Variants in SLC9A9 observed in about 807,000 individuals in gnomAD.
The protein encoded by SLC9A9 is sodium/hydrogen exchanger 9.
Under a neutral mutation model 77.8 loss-of-function variants are expected in SLC9A9, and 62 were observed. The observed-to-expected ratio is 0.80, with a 90% CI of 0.65 to 0.98. The LOEUF (loss-of-function observed/expected upper bound fraction) is 0.98, where lower values mean the gene tolerates loss of function less well. Ranked by LOEUF, SLC9A9 falls within the 50% of genes least tolerant of loss-of-function variation. The probability of loss-of-function intolerance (pLI) is 0.00; values close to 1 mark genes in which losing one functional copy is unlikely to be tolerated. For synonymous variants in SLC9A9, 320 were observed against 283.5 expected, an observed-to-expected ratio of 1.13 and a Z score of -1.29; for missense variants, 775 against 774.9, an observed-to-expected ratio of 1.00 and a Z score of 0.00.
intron 5 of SLC9A9, among the ~76,000 whole-genome samples, chr3:143,659,041 T>C (rs947799136): frequency 1.3e-5 from 2 of 152,226 alleles, no homozygotes; most frequent in South Asian, 2.1e-4. Flanking sequence ...TAATGAGCCA[T>C]GGTGCCGTTT....
At chr3:143,739,273 T>C (rs1935023421) in intron 4 of SLC9A9, among the ~76,000 whole-genome samples, 1 of 152,124 alleles carries the variant, frequency 6.6e-6, no homozygotes, top group Non-Finnish European at 1.5e-5. Flanking sequence ...TCAGAAATGA[T>C]TTTGTCATCA....
chr3:143,730,608 A>G lies in SLC9A9; in HGVS notation c.534-37301T>C, dbSNP rs114836300. Among the ~76,000 whole-genome samples, 900 of 152,336 alleles carry G rather than the reference A, an allele frequency of 5.9e-3. 8 individuals carry two copies. The highest frequency in any genetic ancestry group is 0.02 in the African/African-American group (843 of 41,572). On this transcript the variant is annotated intron_variant, in intron 4 of 15. Coordinates refer to ENST00000316549, the MANE Select transcript of SLC9A9 (RefSeq NM_173653.4). The stretch of plus-strand genomic sequence containing the variant: ...TCTTTGTTGCCAAGATATCTTACAT[A>G]TTCCTGTGTTAAATGACTTTTCATA...
In SLC9A9 at chr3:143,528,436, A is replaced by T. The variant is rs112071881; in HGVS notation, c.1089+23926T>A. 5.8e-3 allele frequency among the ~76,000 whole-genome samples: 884 copies of T among 152,342 alleles called. 4 individuals carry two copies. Among genetic ancestry groups the T allele is most frequent in the African/African-American group, 0.02 (819 of 41,566 alleles). On this transcript the variant is annotated intron_variant, in intron 9 of 15. Coordinates refer to ENST00000316549, the MANE Select transcript of SLC9A9 (RefSeq NM_173653.4). ...TTCCTTTACACATTTAGGAAATAAG[A>T]AAGTACAGAAAGCAGAATTTGACTG...
chr3:143,505,048 T>C lies in SLC9A9; in HGVS notation c.1090-9600A>G, dbSNP rs1234322298. ...AAGTCAGGGGTTGGCAGGGAAGATA[T>C]CAGTGACTCTGACCATATTTTTCCC... On this transcript the variant is annotated intron_variant, in intron 9 of 15. Coordinates refer to ENST00000316549, the MANE Select transcript of SLC9A9 (RefSeq NM_173653.4). Among the ~76,000 whole-genome samples the C allele has an allele frequency of 5.9e-5, 9 of 152,078 alleles. No homozygotes were observed. The South Asian group carries it at 1.9e-3, about 32-fold the overall frequency.
chr3:143,404,178 C>CTT lies in SLC9A9; in HGVS notation c.1470-22066_1470-22065dup, dbSNP rs57688016. 4.2e-3 allele frequency among the ~76,000 whole-genome samples: 605 copies of CTT among 142,628 alleles called. 6 individuals are homozygous for CTT. Among genetic ancestry groups the CTT allele is most frequent in the Middle Eastern group, 0.014 (4 of 286 alleles). The allele number at this position is 142,628 out of a possible 152,430, so 93.6% of individuals were successfully genotyped here. A position where few individuals can be genotyped will look rare whatever the true frequency, so the allele number is the denominator to read the frequency against. ...ATTTTTTGTATAATTTTTCTTTTTT[C>CTT]TTTTTTTTTTTTGGAGACAGAGTCT... is the stretch of plus-strand genomic sequence containing the variant. On this transcript the variant is annotated intron_variant, in intron 12 of 15. Transcript: ENST00000316549.
intron 2 of SLC9A9, among the ~76,000 whole-genome samples, chr3:143,830,421 C>T (rs143630328): frequency 6.6e-6 from 1 of 152,308 alleles, no homozygotes; most frequent in African/African-American, 2.4e-5. Context: ...ACGTTTTCTC[C>T]ATCTCTTGCC....
intron 4 of SLC9A9, among the ~76,000 whole-genome samples, chr3:143,773,337 T>C (rs1279576992): frequency 6.6e-6 from 1 of 152,270 alleles, no homozygotes; most frequent in East Asian, 1.9e-4. Context: ...TTCCACCATA[T>C]AGCTACAATA....
chr3:143,505,303 CT>C (rs2108600058), intron 9 of SLC9A9, among the ~76,000 whole-genome samples: 2 of 152,306 alleles, frequency 1.3e-5, no homozygotes, highest in South Asian at 2.1e-4. Context: ...AAATAACCCT[CT>C]TTTCAACCCA....
At chr3:143,380,033 T>C (rs1017998549) in intron 13 of SLC9A9, among the ~76,000 whole-genome samples, 8 of 152,332 alleles carry the variant, frequency 5.3e-5, no homozygotes, top group East Asian at 3.9e-4. Context: ...TTGATTATCA[T>C]AAATAACATC....
intron 4 of SLC9A9, among the ~76,000 whole-genome samples, chr3:143,725,449 C>T (rs1050301727): frequency 2.0e-4 from 31 of 151,998 alleles, no homozygotes; most frequent in South Asian, 1.5e-3. Context: ...ATGTTTATTG[C>T]GGCACTATTC....
chr3:143,469,754 C>T (rs1014601616), intron 11 of SLC9A9, among the ~76,000 whole-genome samples: 2 of 152,154 alleles, frequency 1.3e-5, no homozygotes, highest in African/African-American at 2.4e-5. Flanking sequence ...AGAACATGCA[C>T]TCTGATTATA....
At chr3:143,748,903 CCT>C (rs1374909635) in intron 4 of SLC9A9, among the ~76,000 whole-genome samples, 1 of 151,328 alleles carries the variant, frequency 6.6e-6, no homozygotes, top group Non-Finnish European at 1.5e-5. Context: ...CGGGGTTTCA[CCT>C]TGTTAGCCAG....
intron 11 of SLC9A9, among the ~76,000 whole-genome samples, chr3:143,470,480 C>CAAAA (rs11312589): frequency 7.4e-6 from 1 of 135,862 alleles, no homozygotes; most frequent in African/African-American, 2.6e-5. Flanking sequence ...AATTCTGGCT[C>CAAAA]AAAAAAAAAA....
At chr3:143,807,519 G>C (rs1327249268) in intron 2 of SLC9A9, among the ~76,000 whole-genome samples, 1 of 152,078 alleles carries the variant, frequency 6.6e-6, no homozygotes, top group African/African-American at 2.4e-5. Context: ...TAAATTACTT[G>C]GAGTAGTGTT....
chr3:143,612,479 C>T lies in SLC9A9; in HGVS notation c.756-33756G>A, dbSNP rs73005514. Among the ~76,000 whole-genome samples, 1,030 of 152,290 alleles carry T rather than the reference C, an allele frequency of 6.8e-3. 12 individuals are homozygous for T. Among genetic ancestry groups the T allele is most frequent in the African/African-American group, 0.024 (980 of 41,552 alleles). On this transcript the variant is annotated intron_variant, in intron 6 of 15. Transcript: ENST00000316549. ...ATCTTCAGGGTGGTACCCCTGTGCT[C>T]CAACATGTTTCCAAGAGGCGTCTGG...
intron 12 of SLC9A9, among the ~76,000 whole-genome samples, chr3:143,449,867 A>C (rs1416686407): frequency 7.0e-5 from 6 of 85,166 alleles, no homozygotes; most frequent in African/African-American, 3.0e-4. Context: ...ATATATATAA[A>C]ATATATAATT....
chr3:143,810,924 A>G (rs532024649), intron 2 of SLC9A9, among the ~76,000 whole-genome samples: 106 of 152,202 alleles, frequency 7.0e-4, no homozygotes, highest in Non-Finnish European at 1.1e-3. Context: ...AGAGTTTTCT[A>G]TGACAGGGAC....
At chr3:143,516,076 GT>G (rs1353466818) in intron 9 of SLC9A9, among the ~76,000 whole-genome samples, 1 of 152,026 alleles carries the variant, frequency 6.6e-6, no homozygotes, top group Non-Finnish European at 1.5e-5. Context: ...GCTATTTAGG[GT>G]TTTTTTCTTC....
In SLC9A9 at chr3:143,543,266, C is replaced by A. The variant is rs113641551; in HGVS notation, c.1089+9096G>T. 5.3e-5 allele frequency among the ~76,000 whole-genome samples: 8 copies of A among 152,288 alleles called. 1 individual carries two copies. The highest frequency in any genetic ancestry group is 1.9e-4 in the African/African-American group (8 of 41,552). ...TTTTCATTCTCAGCTGTCTTCCACA[C>A]GCTTCCCTTCAGTGCCCCCTAACCT... On this transcript the variant is annotated intron_variant, in intron 9 of 15. Transcript: ENST00000316549.
Sources: allele counts gnomAD v4.1 joint callset (sites outside exome capture counted in the v4.1 genomes callset), GRCh38; gene constraint gnomAD v4.1.1; transcripts MANE v1.5; gene names NCBI Gene and HGNC (gene_info 2026-07-23, HGNC 2026-07-21).